Variants in NUAK1 observed in about 807,000 individuals in gnomAD.
NUAK1 encodes the protein NUAK family SNF1-like kinase 1.
NUAK1 carries 26 observed loss-of-function variants against 56.9 expected under a neutral mutation model. The observed-to-expected ratio is 0.46, with a 90% CI of 0.33 to 0.63. The LOEUF (loss-of-function observed/expected upper bound fraction) is 0.63. Ranked by LOEUF, NUAK1 falls within the 30% of genes least tolerant of loss-of-function variation. The pLI is 0.02. For synonymous variants in NUAK1, 337 were observed against 336.0 expected (o/e 1.00, Z -0.03); for missense variants, 727 against 876.1 (o/e 0.83, Z 2.15).
At chr12:106,098,672 CA>C (rs2032717855) in intron 2 of NUAK1, among the ~76,000 whole-genome samples, 1 of 152,120 alleles carries the variant, frequency 6.6e-6, no homozygotes, top group African/African-American at 2.4e-5. Context: ...GAATCTCCCC[CA>C]CCCCTCCACC....
At chr12:106,074,738 T>C (rs916127416) in intron 4 of NUAK1, among the ~76,000 whole-genome samples, 7 of 151,956 alleles carry the variant, frequency 4.6e-5, no homozygotes, top group African/African-American at 1.2e-4. Flanking sequence ...TCTGTGGTGG[T>C]CACAGCCCCT....
At chr12:106,135,192 T>C (rs564241719) in intron 1 of NUAK1, among the ~76,000 whole-genome samples, 2 of 152,290 alleles carry the variant, frequency 1.3e-5, no homozygotes, top group African/African-American at 4.8e-5. Context: ...ACAAAGCTAG[T>C]AGGGGATAGA....
rs567226218 is a variant in NUAK1, at chr12:106,119,061, C to T, written c.241-12536G>A. Among the ~76,000 whole-genome samples the T allele has an allele frequency of 1.2e-4, 18 of 152,246 alleles. No individual in the cohort carries two copies. The South Asian group carries it at 3.7e-3, about 32-fold the overall frequency. ...TCCAACAGAGACTGGGTCTGGCATG[C>T]TAATAAGGGGACTAAATTCTACTTC... On this transcript the variant is annotated intron_variant, in intron 1 of 6. Coordinates refer to ENST00000261402, the MANE Select transcript of NUAK1 (RefSeq NM_014840.3).
intron 1 of NUAK1, among the ~76,000 whole-genome samples, chr12:106,132,070 CTG>C (rs2136485586): frequency 6.6e-6 from 1 of 152,358 alleles, no homozygotes; most frequent in South Asian, 2.1e-4. Context: ...CTGTCTGACT[CTG>C]GAGCCACTGA....
chr12:106,092,234 C>T (rs2032642949), intron 2 of NUAK1, among the ~76,000 whole-genome samples: 1 of 152,060 alleles, frequency 6.6e-6, no homozygotes, highest in South Asian at 2.1e-4. Flanking sequence ...AAACTGGAGT[C>T]ATAGCCGGGC....
At chr12:106,086,322 T>C (rs1172042399) in intron 3 of NUAK1, among the ~76,000 whole-genome samples, 2 of 152,122 alleles carry the variant, frequency 1.3e-5, no homozygotes, top group Non-Finnish European at 2.9e-5. Flanking sequence ...CGTGGTACCC[T>C]AGATTGGATG....
At chr12:106,097,934 G>A (rs990733991) in intron 2 of NUAK1, among the ~76,000 whole-genome samples, 1 of 152,194 alleles carries the variant, frequency 6.6e-6, no homozygotes, top group African/African-American at 2.4e-5. Flanking sequence ...GCACAGGATG[G>A]AGCAGCAACA....
At chr12:106,069,064 T>C (rs529864293) in intron 6 of NUAK1, among the ~76,000 whole-genome samples, 25 of 152,298 alleles carry the variant, frequency 1.6e-4, no homozygotes, top group African/African-American at 5.3e-4. Context: ...GTTGAAAAAA[T>C]TATATATAGA....
chr12:106,091,569 G>C (rs1178741557), intron 2 of NUAK1, among the ~76,000 whole-genome samples: 1 of 152,184 alleles, frequency 6.6e-6, no homozygotes, highest in African/African-American at 2.4e-5. Context: ...CAGGGACTAG[G>C]AGGAGAGAAA....
At position 106,106,442 on chromosome 12, in the gene NUAK1, T is replaced by C. The variant is rs754806741; in HGVS notation, c.324A>G (p.Ser108=). 14 of 1,612,806 alleles carry C rather than the reference T, an allele frequency of 8.7e-6. No homozygotes were observed. Among genetic ancestry groups the C allele is most frequent in the Non-Finnish European group, 9.3e-6 (11 of 1,179,578 alleles). The part of the protein sequence containing the change: ...VHIRREIEIM[S]SLNHPHIISI... ...TGATGATATGAGGATGGTTGAGAGATGACATGATCTCAATCTCTCGTCTGA... is the reference window on the plus strand; with the variant it reads ...TGATGATATGAGGATGGTTGAGAGACGACATGATCTCAATCTCTCGTCTGA... Residue 108 remains serine (S), a synonymous_variant, in exon 2 of 7, where the codon TCA becomes TCG. Transcript: ENST00000261402.
At chr12:106,127,972 C>T (rs745533357) in intron 1 of NUAK1, among the ~76,000 whole-genome samples, 11 of 152,128 alleles carry the variant, frequency 7.2e-5, no homozygotes, top group Non-Finnish European at 1.6e-4. Context: ...TCACTGTGGG[C>T]GACACACTTT....
intron 1 of NUAK1, among the ~76,000 whole-genome samples, chr12:106,135,356 C>T (rs947638279): frequency 6.6e-6 from 1 of 152,252 alleles, no homozygotes; most frequent in Non-Finnish European, 1.5e-5. Flanking sequence ...GCCTGGACGA[C>T]ACACAGGGTC....
intron 6 of NUAK1, 74 bp from the exon 7 acceptor site, chr12:106,068,029 G>A: frequency 7.0e-7 from 1 of 1,433,056 alleles, no homozygotes; most frequent in African/African-American, 1.4e-5. Context: ...GACCCTCCAG[G>A]AGTGACGAAA....
In NUAK1 at chr12:106,064,535, A is replaced by C. The variant is rs1438731986; in HGVS notation, c.*2267T>G. Reference sequence around the variant, plus strand: ...AGAAGGGAGTAGACTGACTTTCCTCAATAGTGTCATTTTTACTTAAAGACT... The same window carrying C: ...AGAAGGGAGTAGACTGACTTTCCTCCATAGTGTCATTTTTACTTAAAGACT... On this transcript the variant is annotated 3_prime_UTR_variant, in exon 7 of 7. Coordinates refer to ENST00000261402, the MANE Select transcript of NUAK1 (RefSeq NM_014840.3). 6.6e-6 allele frequency: 1 copy of C among 152,242 alleles called. No individual in the cohort carries two copies. The highest frequency in any genetic ancestry group is 6.5e-5 in the Admixed American group (1 of 15,288). The allele number at this position is 152,242 out of a possible 1,614,324, so 9.4% of individuals were successfully genotyped here.
At chr12:106,074,444 T>C (rs929721862) in intron 4 of NUAK1, among the ~76,000 whole-genome samples, 1 of 152,220 alleles carries the variant, frequency 6.6e-6, no homozygotes, top group African/African-American at 2.4e-5. Context: ...GAAAAACTCA[T>C]TTAACAGATG....
chr12:106,095,078 C>T (rs931189675), intron 2 of NUAK1, among the ~76,000 whole-genome samples: 2 of 152,150 alleles, frequency 1.3e-5, no homozygotes, highest in Non-Finnish European at 2.9e-5. Context: ...CCATATCACA[C>T]ACAACTCCAC....
chr12:106,070,662 G>T, intron 6 of NUAK1, 112 bp downstream of exon 6: 1 of 1,382,368 alleles, frequency 7.2e-7, no homozygotes, highest in Admixed American at 1.9e-5. Flanking sequence ...AGAAGAAAGA[G>T]GAAAACCAGG....
intron 2 of NUAK1, among the ~76,000 whole-genome samples, chr12:106,092,703 AATAGTATTACTGTGG>A (rs1335339557): frequency 2.6e-5 from 4 of 152,104 alleles, no homozygotes; most frequent in African/African-American, 9.7e-5. Context: ...GGTTGTTATG[AATAGTATTACTGTGG>A]ATATCCTTGT....
chr12:106,114,880 C>T (rs1261072177), intron 1 of NUAK1, among the ~76,000 whole-genome samples: 1 of 152,184 alleles, frequency 6.6e-6, no homozygotes, highest in East Asian at 1.9e-4. Context: ...AGATACTCTT[C>T]AGGGTGCTGA....
Sources: allele counts gnomAD v4.1 joint callset (sites outside exome capture counted in the v4.1 genomes callset), GRCh38; gene constraint gnomAD v4.1.1; transcripts MANE v1.5; gene names NCBI Gene and HGNC (gene_info 2026-07-23, HGNC 2026-07-21).